The following TNFRSF8 variants were observed in gnomAD, a reference collection of about 807,000 sequenced individuals.
TNFRSF8 encodes tumor necrosis factor receptor superfamily member 8.
A neutral mutation model predicts 70.8 loss-of-function variants in TNFRSF8; 26 were observed. That is an observed-to-expected ratio of 0.37 (90% confidence interval 0.27 to 0.51). The LOEUF (loss-of-function observed/expected upper bound fraction) is 0.51, where lower values mean the gene tolerates loss of function less well. TNFRSF8 is among the 20% of genes least tolerant of loss of function. TNFRSF8 has a pLI of 0.94. For synonymous variants in TNFRSF8, 356 were observed against 339.2 expected (o/e 1.05, Z -0.54); for missense variants, 720 against 807.9 (o/e 0.89, Z 1.32).
At position 12,088,272 on chromosome 1, in the gene TNFRSF8, T is replaced by C. The variant is rs1641189016; in HGVS notation, c.151+3721T>C. ...CACTGACTCATAACAATGACCACGA[T>C]TCATACCGATGGAGCACGCTATGTG... On this transcript the variant is annotated intron_variant, in intron 2 of 14. Transcript: ENST00000263932. The surrounding 1 kb of genome is among the most constrained non-coding windows in gnomAD (Gnocchi z 4.0). Among the ~76,000 whole-genome samples, 3 of 152,186 alleles carry C rather than the reference T, an allele frequency of 2.0e-5. No individual in the cohort carries two copies. Among genetic ancestry groups the C allele is most frequent in the African/African-American group, 2.4e-5 (1 of 41,460 alleles).
rs778762029 is a variant in TNFRSF8, at chr1:12,110,289, G to A, written c.676+85G>A. 1.7e-5 allele frequency: 23 copies of A among 1,377,618 alleles called. No homozygotes were observed. The highest frequency in any genetic ancestry group is 1.2e-4 in the African/African-American group (8 of 68,656). The allele number at this position is 1,377,618 out of a possible 1,614,324, so 85.3% of individuals were successfully genotyped here. Reference sequence around the variant, plus strand: ...ATGAGTGGGGGTGTTTGGAGCAGGCGGGCAGTGATCTGTGGTCTTTTCCTG... The same window carrying A: ...ATGAGTGGGGGTGTTTGGAGCAGGCAGGCAGTGATCTGTGGTCTTTTCCTG... On this transcript the variant is annotated intron_variant, in intron 6 of 14. Transcript: ENST00000263932. This position sits in a 1 kb window ranked among gnomAD's most constrained non-coding sequence, Gnocchi z 4.0.
chr1:12,132,980 A>G (rs1057193031), intron 12 of TNFRSF8, among the ~76,000 whole-genome samples: 1 of 151,958 alleles, frequency 6.6e-6, no homozygotes, highest in South Asian at 2.1e-4. Context: ...AGGCTCGGAG[A>G]AGGGAAGTAA....
At chr1:12,139,293 C>T (rs998108359) in intron 14 of TNFRSF8, among the ~76,000 whole-genome samples, 2 of 152,188 alleles carry the variant, frequency 1.3e-5, no homozygotes, top group Non-Finnish European at 2.9e-5. Context: ...ACCCCACAGT[C>T]TGTCCCTCCC....
rs1488547681 is a variant in TNFRSF8 at position 12,142,454 on chromosome 1, A to G, written c.1711A>G (p.Ser571Gly). 6.2e-7 allele frequency: 1 copy of G among 1,611,966 alleles called. No homozygotes were observed. The highest frequency in any genetic ancestry group is 8.5e-7 in the Non-Finnish European group (1 of 1,179,270). The change falls in exon 15 of 15, where the codon AGC (serine) becomes GGC (glycine). Residue 571 changes from serine (S) to glycine (G), a missense_variant. By Grantham distance (56) the Ser-to-Gly change is moderately conservative (BLOSUM62 0). Coordinates refer to ENST00000263932, the MANE Select transcript of TNFRSF8 (RefSeq NM_001243.5). This position sits in a 1 kb window ranked among gnomAD's most constrained non-coding sequence, Gnocchi z 5.0. ...GCAGGAGACAGAACCGCCTCTGGGC[A>G]GCTGCAGCGATGTCATGCTCTCAGT... ...PEQETEPPLG[S>G]CSDVMLSVEE...
In TNFRSF8 at chr1:12,125,323, C is replaced by T. The variant is rs185916171; in HGVS notation, c.1154-628C>T. On this transcript the variant is annotated intron_variant, in intron 10 of 14. Coordinates refer to ENST00000263932, the MANE Select transcript of TNFRSF8 (RefSeq NM_001243.5). Reference sequence around the variant, plus strand: ...GGCCCTGCAGTCCCCCCGGCCTGGCCTGGCCTGGGCTGGGGCTCTGCCACT... The same window carrying T: ...GGCCCTGCAGTCCCCCCGGCCTGGCTTGGCCTGGGCTGGGGCTCTGCCACT... Among the ~76,000 whole-genome samples, 63 of 152,318 alleles carry T rather than the reference C, an allele frequency of 4.1e-4. 1 individual carries two copies. The East Asian group carries it at 0.011, about 26-fold the overall frequency.
intron 2 of TNFRSF8, among the ~76,000 whole-genome samples, chr1:12,095,015 A>G (rs886438476): frequency 6.6e-6 from 1 of 152,158 alleles, no homozygotes; most frequent in African/African-American, 2.4e-5. Flanking sequence ...TAGATTTCAC[A>G]GGGTTCATGA....
intron 2 of TNFRSF8, among the ~76,000 whole-genome samples, chr1:12,089,261 A>G (rs974426051): frequency 6.6e-6 from 1 of 151,734 alleles, no homozygotes; most frequent in Non-Finnish European, 1.5e-5. Context: ...TTCCTGCAGG[A>G]TCCCCAGCCC....
Position 12,138,410 on chromosome 1 carries a change from C to G in TNFRSF8, c.1517C>G (p.Ser506Cys), listed in dbSNP as rs1488531298. ...AGGGACCTTCCTGAGCCCCGGGTGT[C>G]CACGGAGCACACCAATAACAAGATT... ...SPRDLPEPRV[S>C]TEHTNNKIEK... The change falls in exon 14 of 15, where the codon TCC (serine) becomes TGC (cysteine). Residue 506 changes from serine to cysteine, a missense_variant. Ser to Cys is a moderately radical substitution (Grantham distance 112). Coordinates refer to ENST00000263932, the MANE Select transcript of TNFRSF8 (RefSeq NM_001243.5). The surrounding 1 kb of genome is among the most constrained non-coding windows in gnomAD (Gnocchi z 5.7). 1.2e-6 allele frequency: 2 copies of G among 1,613,392 alleles called. No homozygotes were observed. Among genetic ancestry groups the G allele is most frequent in the Non-Finnish European group, 1.7e-6 (2 of 1,179,702 alleles).
chr1:12,120,103 G>A (rs1346049471), intron 8 of TNFRSF8, among the ~76,000 whole-genome samples: 3 of 152,080 alleles, frequency 2.0e-5, no homozygotes, highest in Admixed American at 2.0e-4. Flanking sequence ...TTTGAAGGCA[G>A]CATAAAAACA....
intron 3 of TNFRSF8, among the ~76,000 whole-genome samples, chr1:12,102,239 G>T (rs995063978): frequency 2.0e-5 from 3 of 152,272 alleles, no homozygotes; most frequent in African/African-American, 7.2e-5. Flanking sequence ...ACCCACCTCT[G>T]AGGGCAATGG....
chr1:12,100,192 TA>T (rs1332834907), intron 3 of TNFRSF8, among the ~76,000 whole-genome samples: 1 of 151,032 alleles, frequency 6.6e-6, no homozygotes, highest in Non-Finnish European at 1.5e-5. Flanking sequence ...ATATGAAAGA[TA>T]AAAAAAATGG....
At chr1:12,069,101 G>A (rs146508809) in intron 1 of TNFRSF8, among the ~76,000 whole-genome samples, 327 of 146,216 alleles carry the variant, frequency 2.2e-3, no homozygotes, top group Non-Finnish European at 3.5e-3. Context: ...TCTAACTCCT[G>A]ACCTCGTGAT....
rs1642281106 is a variant in TNFRSF8, at chr1:12,142,793, TGTTG to T, written c.*267_*270del. 1 of 455,882 alleles carries T rather than the reference TGTTG, an allele frequency of 2.2e-6. No homozygotes were observed. The highest frequency in any genetic ancestry group is 2.0e-5 in the African/African-American group (1 of 50,956). The allele number at this position is 455,882 out of a possible 1,614,324, so 28.2% of individuals were successfully genotyped here. On this transcript the variant is annotated 3_prime_UTR_variant, in exon 15 of 15. Coordinates refer to ENST00000263932, the MANE Select transcript of TNFRSF8 (RefSeq NM_001243.5). The surrounding 1 kb of genome is among the most constrained non-coding windows in gnomAD (Gnocchi z 5.0). ...CAAGGGGACTGGATCCCAGCAGTGA[TGTTG>T]GTTGAGGCAGCAAACAGATGGCAGG...
At chr1:12,102,217 G>A (rs1641436140) in intron 3 of TNFRSF8, among the ~76,000 whole-genome samples, 1 of 152,032 alleles carries the variant, frequency 6.6e-6, no homozygotes, top group Admixed American at 6.6e-5. Flanking sequence ...GTCTGCGAAT[G>A]GGGCTTCTGA....
In TNFRSF8 at chr1:12,088,762, GGAA is replaced by G. The variant is rs1340207293; in HGVS notation, c.151+4213_151+4215del. On this transcript the variant is annotated intron_variant, in intron 2 of 14. Coordinates refer to ENST00000263932, the MANE Select transcript of TNFRSF8 (RefSeq NM_001243.5). The surrounding 1 kb of genome is among the most constrained non-coding windows in gnomAD (Gnocchi z 4.0). ...AGGGTTCCTCCGAAGGCTGTGAACA[GGAA>G]GGAGGAGGAGGAGGGGGTTTGTGGG... is the stretch of plus-strand genomic sequence containing the variant. Among the ~76,000 whole-genome samples the G allele has an allele frequency of 6.6e-6, 1 of 152,270 alleles. No homozygotes were observed. Among genetic ancestry groups the G allele is most frequent in the Non-Finnish European group, 1.5e-5 (1 of 68,046 alleles).
chr1:12,093,131 G>A (rs1201110), intron 2 of TNFRSF8, among the ~76,000 whole-genome samples: 115,084 of 152,082 alleles, frequency 0.76, 44,087 homozygotes, highest in African/African-American at 0.83. Flanking sequence ...TGAGAACACC[G>A]GTCAGATTAG....
intron 8 of TNFRSF8, among the ~76,000 whole-genome samples, chr1:12,118,106 T>TCC (rs141071764): frequency 9.9e-5 from 13 of 130,912 alleles, no homozygotes; most frequent in East Asian, 4.6e-4. Flanking sequence ...AGCATAACCC[T>TCC]CCCCCCCCAC....
Position 12,102,367 on chromosome 1 carries a change from G to T in TNFRSF8, c.269-2012G>T, listed in dbSNP as rs1046063809. Among the ~76,000 whole-genome samples, 5 of 152,096 alleles carry T rather than the reference G, an allele frequency of 3.3e-5. No individual in the cohort carries two copies. In the South Asian group the frequency reaches 6.2e-4, roughly 19 times the overall value. The stretch of plus-strand genomic sequence containing the variant: ...CCCCTTCTTCAGAGAGTCCCCCTTG[G>T]CTGCATTCTGGGCTGTGGTCTCCTT... On this transcript the variant is annotated intron_variant, in intron 3 of 14. Coordinates refer to ENST00000263932, the MANE Select transcript of TNFRSF8 (RefSeq NM_001243.5).
chr1:12,137,995 C>T (rs531952283), intron 13 of TNFRSF8, among the ~76,000 whole-genome samples: 9 of 152,250 alleles, frequency 5.9e-5, no homozygotes, highest in South Asian at 2.1e-4. Flanking sequence ...GGCCAACGGA[C>T]GTGGCGAGCA....
Sources: gnomAD v4.1 joint callset for allele counts (sites outside exome capture counted in the v4.1 genomes callset) on GRCh38, gnomAD v4.1.1 for gene constraint, Gnocchi (gnomAD v3.1) non-coding constraint, MANE v1.5 for transcripts, NCBI Gene and HGNC (gene_info 2026-07-23, HGNC 2026-07-21) for gene names.